Variants in ARF4 observed in about 807,000 individuals in gnomAD.
The protein encoded by ARF4 is ADP-ribosylation factor 4.
Under a neutral mutation model 24.3 loss-of-function variants are expected in ARF4, and 5 were observed. That is an observed-to-expected ratio of 0.21 (90% CI 0.11 to 0.43). The LOEUF (loss-of-function observed/expected upper bound fraction) is 0.43. ARF4 is among the 20% of genes least tolerant of loss of function. The pLI, the probability that ARF4 is intolerant of heterozygous loss-of-function variation, is 1.00. For missense variants in ARF4, 107 were observed against 213.0 expected (o/e 0.50, Z 3.10); for synonymous variants, 62 against 73.5 (o/e 0.84, Z 0.80).
intron 1 of ARF4, among the ~76,000 whole-genome samples, chr3:57,594,748 G>A (rs1029356036): frequency 1.3e-5 from 2 of 152,138 alleles, no homozygotes; most frequent in African/African-American, 4.8e-5. Context: ...GAAAAACGAA[G>A]CACACTAATG....
chr3:57,575,708 A>T (rs371892337), intron 4 of ARF4, 35 bp from the exon 5 acceptor site: 2 of 1,568,606 alleles, frequency 1.3e-6, no homozygotes, highest in Non-Finnish European at 8.6e-7. Flanking sequence ...ACAACTACCA[A>T]CCGGAATCCA....
At position 57,572,171 on chromosome 3, in the gene ARF4, A is replaced by G. The variant is rs377224020; in HGVS notation, c.*41T>C. ...AATTTTGTTGTAACAAGCCTAGACCAATTTTATCAAACATGTCCTTGGTTA... is the reference window on the plus strand; with the variant it reads ...AATTTTGTTGTAACAAGCCTAGACCGATTTTATCAAACATGTCCTTGGTTA... On this transcript the variant is annotated 3_prime_UTR_variant, in exon 6 of 6. Transcript: ENST00000303436. 28 of 1,529,188 alleles carry G rather than the reference A, an allele frequency of 1.8e-5. No homozygotes were observed. The highest frequency in any genetic ancestry group is 2.4e-5 in the Non-Finnish European group (27 of 1,103,498). 94.7% of individuals were successfully genotyped at this position (1,529,188 alleles called of 1,614,324 possible). A position where few individuals can be genotyped will look rare whatever the true frequency, so the allele number is the denominator to read the frequency against.
chr3:57,573,966 G>C (rs1226787705), intron 5 of ARF4, among the ~76,000 whole-genome samples: 2 of 148,732 alleles, frequency 1.3e-5, no homozygotes. Flanking sequence ...TTTTGAGACG[G>C]AGTCTCGCTC....
chr3:57,586,636 A>G (rs1047464286), intron 1 of ARF4, among the ~76,000 whole-genome samples: 1 of 152,190 alleles, frequency 6.6e-6, no homozygotes, highest in Non-Finnish European at 1.5e-5. Flanking sequence ...TCAAGCCCTC[A>G]TTCATGAGCA....
chr3:57,583,037 C>A (rs2069994823), intron 3 of ARF4, among the ~76,000 whole-genome samples: 1 of 152,104 alleles, frequency 6.6e-6, no homozygotes, highest in East Asian at 1.9e-4. Context: ...GACAAGGATG[C>A]CACTAAACAA....
chr3:57,584,105 CTTT>C (rs1180575509), intron 2 of ARF4, 98 bp from the exon 3 acceptor site: 2 of 849,466 alleles, frequency 2.4e-6, no homozygotes, highest in Non-Finnish European at 3.7e-6. Context: ...TAAAGTACTT[CTTT>C]TTATTTTTAA....
intron 1 of ARF4, among the ~76,000 whole-genome samples, chr3:57,593,415 C>T (rs2070138652): frequency 6.6e-6 from 1 of 152,002 alleles, no homozygotes; most frequent in African/African-American, 2.4e-5. Flanking sequence ...ATATAAAACA[C>T]CACTCTTTAG....
chr3:57,580,189 G>GTT (rs1387586485), intron 3 of ARF4, among the ~76,000 whole-genome samples: 1 of 151,992 alleles, frequency 6.6e-6, no homozygotes, highest in African/African-American at 2.4e-5. Context: ...TATACTACTT[G>GTT]TTATATATAT....
intron 1 of ARF4, among the ~76,000 whole-genome samples, chr3:57,590,918 A>G (rs1167282320): frequency 6.6e-6 from 1 of 152,212 alleles, no homozygotes; most frequent in Non-Finnish European, 1.5e-5. Context: ...GTTTAAAATA[A>G]TAATTTAAAA....
chr3:57,586,600 C>A (rs7625929), intron 1 of ARF4, among the ~76,000 whole-genome samples: 113,794 of 152,010 alleles, frequency 0.75, 44,683 homozygotes, highest in East Asian at 1. Flanking sequence ...TCCTTCCCAA[C>A]TACTAGTCAG....
chr3:57,597,064 CCTCA>C lies in ARF4; in HGVS notation c.67+6_67+9del. ...CCCAGGTCCCGCCTGACTCGCAGCC[CCTCA>C]CTCACCCATCAAAATGCGCATCTGC... is the stretch of plus-strand genomic sequence containing the variant. On this transcript the variant is annotated splice_donor_region_variant and intron_variant, in intron 1 of 5. Coordinates refer to ENST00000303436, the MANE Select transcript of ARF4 (RefSeq NM_001660.4). The C allele has an allele frequency of 6.2e-7, 1 of 1,613,734 alleles. No homozygotes were observed. Among genetic ancestry groups the C allele is most frequent in the Non-Finnish European group, 8.5e-7 (1 of 1,179,662 alleles).
chr3:57,575,772 A>T (rs765464283), intron 4 of ARF4, 99 bp from the exon 5 acceptor site: 15 of 1,285,076 alleles, frequency 1.2e-5, no homozygotes, highest in Non-Finnish European at 1.5e-5. Context: ...ATACATTATT[A>T]AACATTAACC....
At chr3:57,584,047 TAAGAAAA>T in intron 2 of ARF4, 40 bp from the exon 3 acceptor site, 1 of 1,349,252 alleles carries the variant, frequency 7.4e-7, no homozygotes, top group South Asian at 1.2e-5. Flanking sequence ...GCAGCGTCAT[TAAGAAAA>T]TAAAACCTTT....
chr3:57,584,632 A>C (rs765294308), intron 1 of ARF4, among the ~76,000 whole-genome samples, 168 bp from the exon 2 acceptor site: 4 of 152,222 alleles, frequency 2.6e-5, no homozygotes, highest in Non-Finnish European at 5.9e-5. Context: ...AACACTTCCT[A>C]CAGAAAGCCT....
Position 57,587,430 on chromosome 3 carries a change from T to G in ARF4, c.68-2966A>C, listed in dbSNP as rs181568856. 2.0e-5 allele frequency among the ~76,000 whole-genome samples: 3 copies of G among 151,976 alleles called. No individual in the cohort carries two copies. The East Asian group carries it at 5.8e-4, about 29-fold the overall frequency. ...TCATTTTAAATTATACAAAAGCATG[T>G]AGGTAATCCAAGTTTTCTTTTAATA... On this transcript the variant is annotated intron_variant, in intron 1 of 5. Coordinates refer to ENST00000303436, the MANE Select transcript of ARF4 (RefSeq NM_001660.4).
At chr3:57,575,305 CAAAA>C (rs11294059) in intron 5 of ARF4, among the ~76,000 whole-genome samples, 2 of 134,996 alleles carry the variant, frequency 1.5e-5, no homozygotes, top group Admixed American at 7.3e-5. Flanking sequence ...CCTCTCCCTT[CAAAA>C]AAAAAAAAAA....
At chr3:57,596,812 A>G (rs1021285673) in intron 1 of ARF4, 7 of 457,430 alleles carry the variant, frequency 1.5e-5, no homozygotes, top group Admixed American at 3.6e-5. Flanking sequence ...CCAGCTTTCA[A>G]TAAGATCAAG....
At chr3:57,584,715 G>A (rs574435854) in intron 1 of ARF4, among the ~76,000 whole-genome samples, 4 of 152,210 alleles carry the variant, frequency 2.6e-5, no homozygotes, top group African/African-American at 9.6e-5. Flanking sequence ...GCTGACTTAG[G>A]CTCTAATCTC....
chr3:57,589,359 T>C (rs1008546417), intron 1 of ARF4, among the ~76,000 whole-genome samples: 5 of 151,626 alleles, frequency 3.3e-5, no homozygotes, highest in African/African-American at 1.2e-4. Flanking sequence ...GCCCAGGGGA[T>C]CAAGGCTGCA....
Sources: allele counts gnomAD v4.1 joint callset (sites outside exome capture counted in the v4.1 genomes callset), GRCh38; gene constraint gnomAD v4.1.1; transcripts MANE v1.5; gene names NCBI Gene and HGNC (gene_info 2026-07-23, HGNC 2026-07-21).